Variants in PDS5A observed in about 807,000 individuals in gnomAD.
The protein encoded by PDS5A is sister chromatid cohesion protein PDS5 homolog A.
Under a neutral mutation model 167.1 loss-of-function variants are expected in PDS5A, and 42 were observed. The ratio of observed to expected loss-of-function variants is 0.25; its 90% confidence interval spans 0.20 to 0.33. The LOEUF (loss-of-function observed/expected upper bound fraction) is 0.33. Ranked by LOEUF, PDS5A falls within the 10% of genes least tolerant of loss-of-function variation. The pLI, the probability that PDS5A is intolerant of heterozygous loss-of-function variation, is 1.00. For missense variants in PDS5A, 1,033 were observed against 1,605.9 expected (o/e 0.64, Z 6.10); for synonymous variants, 553 against 554.6 (o/e 1.00, Z 0.04).
In PDS5A at chr4:39,844,687, C is replaced by T. The variant is rs774724792; in HGVS notation, c.3517G>A (p.Glu1173Lys). The T allele has an allele frequency of 6.2e-7, 1 of 1,612,504 alleles. No homozygotes were observed. The highest frequency in any genetic ancestry group is 8.5e-7 in the Non-Finnish European group (1 of 1,179,510). Residue 1173 changes from glutamate to lysine, a missense_variant, in exon 30 of 33, where the codon GAG (glutamate) becomes AAG (lysine). This residue lies in a region of PDS5A where 233 missense variants were observed against 264.0 expected (regional missense o/e 0.88). Transcript: ENST00000303538. Reference sequence around the variant, plus strand: ...CGATTTCCGGTTGAAGGGTTCAGCTCTGAATTTACATTAATATTGCTTCCA... The same window carrying T: ...CGATTTCCGGTTGAAGGGTTCAGCTTTGAATTTACATTAATATTGCTTCCA... ...ETGSNINVNSELNPSTGNRSR... is the reference protein window; with the variant it reads ...ETGSNINVNSKLNPSTGNRSR...
intron 2 of PDS5A, among the ~76,000 whole-genome samples, chr4:39,957,842 ATCT>A (rs1729106067): frequency 6.6e-6 from 1 of 151,152 alleles, no homozygotes; most frequent in Non-Finnish European, 1.5e-5. Context: ...ATGCTATGTG[ATCT>A]GGACATGAGG....
intron 10 of PDS5A, among the ~76,000 whole-genome samples, chr4:39,909,688 T>C (rs1723726677): frequency 6.6e-6 from 1 of 152,210 alleles, no homozygotes; most frequent in East Asian, 1.9e-4. Context: ...TTGTTTCCCC[T>C]GTTCTTTTTG....
Position 39,874,276 on chromosome 4 carries a change from A to G in PDS5A, c.2277+13T>C, listed in dbSNP as rs758670051. The G allele has an allele frequency of 5.6e-6, 9 of 1,605,190 alleles. No homozygotes were observed. Among genetic ancestry groups the G allele is most frequent in the South Asian group, 1.1e-5 (1 of 90,392 alleles). ...AAAGACCAATATAAACACAACCTATATATTAGATATACCTCAAAAATCTGT... is the reference window on the plus strand; with the variant it reads ...AAAGACCAATATAAACACAACCTATGTATTAGATATACCTCAAAAATCTGT... On this transcript the variant is annotated intron_variant, in intron 20 of 32. Coordinates refer to ENST00000303538, the MANE Select transcript of PDS5A (RefSeq NM_001100399.2).
chr4:39,839,281 TG>T (rs1474714310), intron 31 of PDS5A, among the ~76,000 whole-genome samples: 3 of 151,790 alleles, frequency 2.0e-5, no homozygotes, highest in Non-Finnish European at 4.4e-5. Context: ...GATCTAAAAA[TG>T]TAACGTCGGG....
chr4:39,885,267 A>G (rs1363704293), intron 17 of PDS5A, among the ~76,000 whole-genome samples: 8 of 145,374 alleles, frequency 5.5e-5, no homozygotes, highest in Non-Finnish European at 9.1e-5. Flanking sequence ...AAAAAAAAAG[A>G]AAGGAAAAGA....
intron 2 of PDS5A, chr4:39,973,200 T>A (rs990794831): frequency 1.2e-5 from 15 of 1,246,634 alleles, no homozygotes; most frequent in Admixed American, 3.4e-5. Context: ...GGGCTTGTAA[T>A]ATAGCTAGCT....
intron 4 of PDS5A, among the ~76,000 whole-genome samples, chr4:39,926,291 G>A (rs1214680965): frequency 6.6e-6 from 1 of 152,088 alleles, no homozygotes. Context: ...GGAGGCCAAG[G>A]TGGGCGGATC....
chr4:39,904,652 T>C (rs1291388572), intron 11 of PDS5A, among the ~76,000 whole-genome samples: 2 of 152,172 alleles, frequency 1.3e-5, no homozygotes, highest in Admixed American at 6.6e-5. Context: ...TTTGAATCTG[T>C]TCCTATTTAG....
chr4:39,902,225 C>T (rs1722943767), intron 13 of PDS5A, 122 bp downstream of exon 13: 2 of 547,252 alleles, frequency 3.7e-6, no homozygotes, highest in Admixed American at 7.1e-5. Context: ...AAATATTTAC[C>T]TGAGGTTCTT....
intron 3 of PDS5A, 57 bp downstream of exon 3, chr4:39,927,904 T>C (rs775850425): frequency 8.6e-7 from 1 of 1,158,102 alleles, no homozygotes; most frequent in Non-Finnish European, 1.3e-6. Flanking sequence ...AATAAAAGTA[T>C]ACCTTCTGAA....
chr4:39,925,496 C>T (rs916183972), intron 5 of PDS5A, among the ~76,000 whole-genome samples: 3 of 152,160 alleles, frequency 2.0e-5, no homozygotes, highest in African/African-American at 7.2e-5. Context: ...AGGTTTCAGA[C>T]GATTTGCTTT....
intron 7 of PDS5A, among the ~76,000 whole-genome samples, chr4:39,919,694 G>A (rs1180596965): frequency 6.6e-6 from 1 of 152,022 alleles, no homozygotes; most frequent in Non-Finnish European, 1.5e-5. Flanking sequence ...TTATAAATAT[G>A]AGCAAATGAA....
intron 16 of PDS5A, among the ~76,000 whole-genome samples, chr4:39,893,841 C>T (rs1348296584): frequency 1.3e-5 from 2 of 152,192 alleles, no homozygotes; most frequent in Admixed American, 6.5e-5. Context: ...ATAATGAACT[C>T]ATGCTCTTAC....
chr4:39,958,188 A>G (rs1474757599), intron 2 of PDS5A, among the ~76,000 whole-genome samples: 2 of 152,062 alleles, frequency 1.3e-5, no homozygotes, highest in East Asian at 1.9e-4. Context: ...CACCACGCCC[A>G]GCCAGGCATT....
chr4:39,953,213 G>C (rs73229724), intron 2 of PDS5A, among the ~76,000 whole-genome samples: 1 of 152,134 alleles, frequency 6.6e-6, no homozygotes, highest in Non-Finnish European at 1.5e-5. Flanking sequence ...CTCCACTACA[G>C]TGAAGCTGAG....
At chr4:39,949,227 G>A (rs1189267226) in intron 2 of PDS5A, among the ~76,000 whole-genome samples, 2 of 150,514 alleles carry the variant, frequency 1.3e-5, no homozygotes, top group Admixed American at 6.7e-5. Context: ...GCTTGAATGC[G>A]GGAGGTCGAG....
At chr4:39,844,565 C>G in intron 30 of PDS5A, 91 bp downstream of exon 30, 1 of 915,060 alleles carries the variant, frequency 1.1e-6, no homozygotes. Flanking sequence ...CCGCTAATGA[C>G]AGAAGACCAT....
chr4:39,902,739 T>C (rs1578704796), intron 12 of PDS5A, among the ~76,000 whole-genome samples: 1 of 152,098 alleles, frequency 6.6e-6, no homozygotes, highest in South Asian at 2.1e-4. Flanking sequence ...CCAAGGCTGA[T>C]CTGGAACTCC....
intron 26 of PDS5A, among the ~76,000 whole-genome samples, chr4:39,855,393 T>C (rs1169301671): frequency 6.6e-6 from 1 of 151,692 alleles, no homozygotes; most frequent in Non-Finnish European, 1.5e-5. Context: ...ATTTTTAGAG[T>C]TATCACATTA....
Sources: gnomAD v4.1 joint callset for allele counts (sites outside exome capture counted in the v4.1 genomes callset) on GRCh38, gnomAD v4.1.1 for gene constraint, gnomAD v4.1.1 regional missense constraint, MANE v1.5 for transcripts, NCBI Gene and HGNC (gene_info 2026-07-23, HGNC 2026-07-21) for gene names.